DGKH: variants seen among roughly 807,000 people sequenced by gnomAD.
DGKH encodes diacylglycerol kinase eta, also known as DAG kinase eta.
A neutral mutation model predicts 159.3 loss-of-function variants in DGKH; 90 were observed. That is an observed-to-expected ratio of 0.57 (90% CI 0.48 to 0.67). The LOEUF (loss-of-function observed/expected upper bound fraction) is 0.67. Among genes scored for constraint, DGKH ranks in the 30% least tolerant of loss-of-function variants. DGKH has a pLI of 0.00. For missense variants in DGKH, 1,181 were observed against 1,506.1 expected, an observed-to-expected ratio of 0.78 and a Z score of 3.57; for synonymous variants, 536 against 553.8, an observed-to-expected ratio of 0.97 and a Z score of 0.45.
intron 16 of DGKH, among the ~76,000 whole-genome samples, chr13:42,192,298 C>A (rs1237746285): frequency 6.6e-6 from 1 of 152,152 alleles, no homozygotes; most frequent in African/African-American, 2.4e-5. Context: ...CACTCACTTT[C>A]AATACATCCC....
In DGKH at chr13:42,075,025, T is replaced by A. The variant is rs143703077; in HGVS notation, c.192+26060T>A. On this transcript the variant is annotated intron_variant, in intron 1 of 29. Transcript: ENST00000337343. Reference sequence around the variant, plus strand: ...CTTTATGCCTTTTATACTTACTAATTGTGTGATAATAAAGGAGTTATGTAA... The same window carrying A: ...CTTTATGCCTTTTATACTTACTAATAGTGTGATAATAAAGGAGTTATGTAA... Among the ~76,000 whole-genome samples the A allele has an allele frequency of 5.7e-3, 875 of 152,302 alleles. 11 individuals are homozygous for A. Among genetic ancestry groups the A allele is most frequent in the African/African-American group, 0.02 (838 of 41,556 alleles).
chr13:42,055,240 A>G (rs189090457), intron 1 of DGKH, among the ~76,000 whole-genome samples: 38 of 152,330 alleles, frequency 2.5e-4, no homozygotes, highest in South Asian at 4.1e-4. Flanking sequence ...TATGATCCAC[A>G]TTTAAGGGAC....
rs1958477255 is a variant in DGKH, at chr13:42,239,450, G to A, written c.*10262G>A. On this transcript the variant is annotated 3_prime_UTR_variant, in exon 30 of 30. Transcript: ENST00000337343. ...TTAATCTTGGCTTTGGATTTTGTAA[G>A]CAAAAGCATTTTCTGCATCAATTTT... 1 of 152,546 alleles carries A rather than the reference G, an allele frequency of 6.6e-6. No individual in the cohort carries two copies. Among genetic ancestry groups the A allele is most frequent in the African/African-American group, 2.4e-5 (1 of 41,440 alleles). 9.4% of individuals were successfully genotyped at this position (152,546 alleles called of 1,614,324 possible).
At chr13:42,256,299 A>C (rs1029957962) in exon 31 of DGKH, 41 of 1,596,552 alleles carry the variant, frequency 2.6e-5, no homozygotes, top group Non-Finnish European at 3.4e-5. Flanking sequence ...TTTACAGAAA[A>C]CTGCGTGGTG....
At chr13:42,211,042 AG>A (rs1269512972) in intron 24 of DGKH, among the ~76,000 whole-genome samples, 1 of 152,244 alleles carries the variant, frequency 6.6e-6, no homozygotes, top group East Asian at 1.9e-4. Flanking sequence ...AAGAGTCAGG[AG>A]CAAAAAGAAT....
intron 1 of DGKH, among the ~76,000 whole-genome samples, chr13:42,081,969 T>C (rs1954209309): frequency 6.6e-6 from 1 of 152,208 alleles, no homozygotes; most frequent in Non-Finnish European, 1.5e-5. Context: ...TGAGTTCACA[T>C]AGGAACCTTT....
At chr13:42,244,364 C>T (rs1958559778), downstream of DGKH, among the ~76,000 whole-genome samples, 2 of 152,284 alleles carry the variant, frequency 1.3e-5, no homozygotes, top group Non-Finnish European at 2.9e-5. Context: ...AGGAAGAAGC[C>T]GGAGAATGAA....
chr13:42,117,958 C>G (rs1954994222), intron 1 of DGKH, among the ~76,000 whole-genome samples: 1 of 152,144 alleles, frequency 6.6e-6, no homozygotes, highest in African/African-American at 2.4e-5. Context: ...TGGCTCACAC[C>G]TGTAATCCCA....
intron 13 of DGKH, among the ~76,000 whole-genome samples, chr13:42,183,321 G>A (rs779543723): frequency 6.6e-6 from 1 of 151,658 alleles, no homozygotes; most frequent in Non-Finnish European, 1.5e-5. Context: ...TTCTATAATG[G>A]TTTCCCTTTA....
At chr13:42,124,129 C>A (rs1955126372) in intron 1 of DGKH, among the ~76,000 whole-genome samples, 1 of 151,966 alleles carries the variant, frequency 6.6e-6, no homozygotes, top group South Asian at 2.1e-4. Flanking sequence ...GATTTTATTT[C>A]AGGGGTAAAT....
chr13:42,168,406 C>A, intron 9 of DGKH, 34 bp from the exon 10 acceptor site: 1 of 1,557,874 alleles, frequency 6.4e-7, no homozygotes, highest in African/African-American at 1.4e-5. Flanking sequence ...ATTTTTATTT[C>A]TTTATACTAA....
intron 26 of DGKH, among the ~76,000 whole-genome samples, chr13:42,218,155 C>G (rs1957854286): frequency 6.6e-6 from 1 of 152,162 alleles, no homozygotes; most frequent in African/African-American, 2.4e-5. Context: ...GGAGTAGAAT[C>G]CAATCGACTG....
At chr13:42,135,489 C>CACAAAAAAAA (rs1223953901) in intron 3 of DGKH, among the ~76,000 whole-genome samples, 2 of 50,996 alleles carry the variant, frequency 3.9e-5, no homozygotes, top group Non-Finnish European at 8.5e-5. Context: ...GACCCTGTCT[C>CACAAAAAAAA]AGAAAAAAAA....
intron 2 of DGKH, among the ~76,000 whole-genome samples, chr13:42,128,833 A>G (rs1038125098): frequency 6.6e-6 from 1 of 152,210 alleles, no homozygotes; most frequent in Non-Finnish European, 1.5e-5. Flanking sequence ...GAAGTAGACT[A>G]GTTCTACAGT....
At chr13:42,138,322 T>G (rs1417508315) in intron 3 of DGKH, among the ~76,000 whole-genome samples, 1 of 151,934 alleles carries the variant, frequency 6.6e-6, no homozygotes, top group African/African-American at 2.4e-5. Context: ...TGACCATCTT[T>G]CTAGAATGCA....
At chr13:42,143,858 A>T (rs905037436) in intron 3 of DGKH, among the ~76,000 whole-genome samples, 2 of 151,922 alleles carry the variant, frequency 1.3e-5, no homozygotes, top group Admixed American at 1.3e-4. Context: ...CAGCTTCTGG[A>T]TTCATTGATT....
At chr13:42,071,960 T>C (rs1425168215) in intron 1 of DGKH, among the ~76,000 whole-genome samples, 1 of 152,214 alleles carries the variant, frequency 6.6e-6, no homozygotes, top group Non-Finnish European at 1.5e-5. Flanking sequence ...CTTTTATCAG[T>C]ACATTTTATT....
chr13:42,207,120 TCTCTCC>T lies in DGKH; in HGVS notation c.2601+975_2601+980del, dbSNP rs1566192431. Among the ~76,000 whole-genome samples, 22 of 54,642 alleles carry T rather than the reference TCTCTCC, an allele frequency of 4.0e-4. 1 individual carries two copies. The highest frequency in any genetic ancestry group is 6.9e-4 in the Non-Finnish European group (15 of 21,664). The allele number at this position is 54,642 out of a possible 152,430, so 35.8% of individuals were successfully genotyped here. A position where few individuals can be genotyped will look rare whatever the true frequency, so the allele number is the denominator to read the frequency against. ...TTCTTTCTTTCTTTCTTTCTCTTTCTCTCTCCTTCCTTCCTTCCTTCCTTCCTTCCT... is the reference window on the plus strand; with the variant it reads ...TTCTTTCTTTCTTTCTTTCTCTTTCTTTCCTTCCTTCCTTCCTTCCTTCCT... On this transcript the variant is annotated intron_variant, in intron 21 of 29. Coordinates refer to ENST00000337343, the MANE Select transcript of DGKH (RefSeq NM_178009.5).
At chr13:42,247,877 G>A (rs1416811019), downstream of DGKH, among the ~76,000 whole-genome samples, 1 of 152,144 alleles carries the variant, frequency 6.6e-6, no homozygotes, top group Non-Finnish European at 1.5e-5. Context: ...ATAACTATAT[G>A]TTTGTGTTTT....
Sources: allele counts gnomAD v4.1 joint callset (sites outside exome capture counted in the v4.1 genomes callset), GRCh38; gene constraint gnomAD v4.1.1; transcripts MANE v1.5; gene names NCBI Gene and HGNC (gene_info 2026-07-23, HGNC 2026-07-21).